The following CHD2 variants were observed in gnomAD, a reference collection of about 807,000 sequenced individuals.
The protein encoded by CHD2 is chromodomain helicase DNA binding protein 2, also known as ATP-dependent chromatin remodeler CHD2.
In CHD2, 28 loss-of-function variants were observed where a neutral mutation model predicts 243.9. The ratio of observed to expected loss-of-function variants is 0.11; its 90% confidence interval spans 0.09 to 0.16. The LOEUF is 0.16. Ranked by LOEUF, CHD2 falls within the 10% of genes least tolerant of loss-of-function variation. CHD2 has a pLI of 1.00. For missense variants in CHD2, 1,386 were observed against 2,209.8 expected, an observed-to-expected ratio of 0.63 and a Z score of 7.47; for synonymous variants, 775 against 779.0, an observed-to-expected ratio of 0.99 and a Z score of 0.09.
At chr15:92,902,301 G>C in intron 2 of CHD2, 1 of 396,672 alleles carries the variant, frequency 2.5e-6, no homozygotes, top group Non-Finnish European at 4.4e-6. Context: ...TGTTTTTGTT[G>C]TATGACCTCT....
intron 22 of CHD2, among the ~76,000 whole-genome samples, chr15:92,980,464 A>T (rs1171855375): frequency 6.6e-6 from 1 of 152,150 alleles, no homozygotes; most frequent in African/African-American, 2.4e-5. Context: ...TAGCTCTTTT[A>T]TTTTGGACCG....
intron 24 of CHD2, 130 bp downstream of exon 24, chr15:92,981,587 T>C (rs2053981137): frequency 1.5e-6 from 1 of 657,022 alleles, no homozygotes; most frequent in Non-Finnish European, 2.6e-6. Flanking sequence ...TCCTCAATAT[T>C]GTTCTCTGAA....
intron 28 of CHD2, among the ~76,000 whole-genome samples, chr15:92,996,162 T>C (rs1458928500): frequency 3.2e-4 from 10 of 31,678 alleles, no homozygotes; most frequent in African/African-American, 3.0e-3. Context: ...GTAAGTTTCT[T>C]TTTTTTTTTT....
intron 5 of CHD2, among the ~76,000 whole-genome samples, chr15:92,931,210 A>G (rs2053160497): frequency 6.6e-6 from 1 of 152,238 alleles, no homozygotes; most frequent in South Asian, 2.1e-4. Context: ...GAAACCCTGC[A>G]GATTTTATTC....
intron 2 of CHD2, chr15:92,904,484 C>G (rs905520143): frequency 3.0e-6 from 3 of 989,742 alleles, no homozygotes; most frequent in Admixed American, 6.1e-5. Flanking sequence ...GGGAGCCGCA[C>G]GCCGAGGGGA....
In CHD2 at chr15:92,905,436, T is replaced by G. The variant is rs376790487; in HGVS notation, c.62+4137T>G. Reference sequence around the variant, plus strand: ...AGAAATTCAGTGGATTTATCTACTGTGGACAAAGTTTTTTTCCTGCCATAC... The same window carrying G: ...AGAAATTCAGTGGATTTATCTACTGGGGACAAAGTTTTTTTCCTGCCATAC... On this transcript the variant is annotated intron_variant, in intron 2 of 38. Transcript: ENST00000394196. Among the ~76,000 whole-genome samples, 8 of 152,346 alleles carry G rather than the reference T, an allele frequency of 5.3e-5. No homozygotes were observed. In the East Asian group the frequency reaches 1.3e-3, roughly 26 times the overall value.
intron 32 of CHD2, 151 bp downstream of exon 32, chr15:93,000,791 GATAGTTT>G: frequency 1.2e-6 from 1 of 852,300 alleles, no homozygotes; most frequent in Non-Finnish European, 1.7e-6. Flanking sequence ...TGTCAGCGAG[GATAGTTT>G]AAGTCAGCAA....
At chr15:92,980,170 G>A (rs548252289) in intron 22 of CHD2, among the ~76,000 whole-genome samples, 4 of 150,374 alleles carry the variant, frequency 2.7e-5, no homozygotes, top group Admixed American at 1.3e-4. Context: ...TCAGCCTCCC[G>A]AGTAGCTGGG....
intron 13 of CHD2, among the ~76,000 whole-genome samples, chr15:92,951,200 T>G (rs911226694): frequency 8.5e-5 from 13 of 152,124 alleles, no homozygotes; most frequent in Non-Finnish European, 1.6e-4. Flanking sequence ...AGACTGAGTT[T>G]TGCTCTGTTG....
intron 12 of CHD2, among the ~76,000 whole-genome samples, chr15:92,947,973 C>A (rs1481079421): frequency 6.6e-6 from 1 of 152,186 alleles, no homozygotes; most frequent in Admixed American, 6.5e-5. Flanking sequence ...GAATGAATTT[C>A]TCCTGTAAAT....
chr15:92,948,952 G>A lies in CHD2; in HGVS notation c.1378G>A (p.Ala460Thr), dbSNP rs1487207288. 6.2e-7 allele frequency: 1 copy of A among 1,610,330 alleles called. No individual in the cohort carries two copies. The highest frequency in any genetic ancestry group is 2.2e-5 in the East Asian group (1 of 44,858). ...TCAGACTTGGGCTTTTGTTTTTCAG[G>A]CCCTGAAGCAGAGACCACGATTTGT... ...SKTIPTRECK[A>T]LKQRPRFVAL... The change falls in exon 13 of 39, where the codon GCC (alanine) becomes ACC (threonine). Residue 460 changes from alanine to threonine, a missense_variant and splice_region_variant. Ala to Thr is a moderately conservative substitution (Grantham distance 58, BLOSUM62 0). Around this residue, in one of 19 missense-constraint regions of CHD2, gnomAD observed 200 missense variants for 292.5 expected, o/e 0.68. Transcript: ENST00000394196.
chr15:93,025,167 A>G lies in CHD2; in HGVS notation c.*462A>G. On this transcript the variant is annotated 3_prime_UTR_variant, in exon 39 of 39. Coordinates refer to ENST00000394196, the MANE Select transcript of CHD2 (RefSeq NM_001271.4). ...GATTTGGTTGATTTGGTTCACTCTGACATGATGGATGCTGCTGATGGGGAG... is the reference window on the plus strand; with the variant it reads ...GATTTGGTTGATTTGGTTCACTCTGGCATGATGGATGCTGCTGATGGGGAG... 1 of 160,584 alleles carries G rather than the reference A, an allele frequency of 6.2e-6. No homozygotes were observed. Among genetic ancestry groups the G allele is most frequent in the Non-Finnish European group, 1.4e-5 (1 of 73,612 alleles). 9.9% of individuals were successfully genotyped at this position (160,584 alleles called of 1,614,324 possible).
At chr15:92,932,855 G>C (rs2053198064) in intron 5 of CHD2, among the ~76,000 whole-genome samples, 1 of 87,846 alleles carries the variant, frequency 1.1e-5, no homozygotes, top group South Asian at 4.3e-4. Context: ...TGATTCTCCT[G>C]CCTCATCCTC....
chr15:92,980,037 T>TTTTG lies in CHD2; in HGVS notation c.2877-758_2877-755dup, dbSNP rs55822413. 6.1e-3 allele frequency among the ~76,000 whole-genome samples: 919 copies of TTTTG among 150,104 alleles called. 5 individuals are homozygous for TTTTG. The highest frequency in any genetic ancestry group is 0.018 in the African/African-American group (744 of 40,808). ...TCTGTGGTGGTGTTTCAGCTATGTTTTTTGTTTGTTTGTTTGTTTGTTTTT... is the reference window on the plus strand; with the variant it reads ...TCTGTGGTGGTGTTTCAGCTATGTTTTTTGTTTGTTTGTTTGTTTGTTTGTTTTT... On this transcript the variant is annotated intron_variant, in intron 22 of 38. Transcript: ENST00000394196.
At chr15:92,965,179 C>T in intron 16 of CHD2, 1 of 152,098 alleles carries the variant, frequency 6.6e-6, no homozygotes. Context: ...TGTCTTTATA[C>T]ATCACCACTA....
At chr15:92,979,092 G>A (rs778447793) in intron 21 of CHD2, 43 bp from the exon 22 acceptor site, 12 of 1,600,886 alleles carry the variant, frequency 7.5e-6, no homozygotes, top group Non-Finnish European at 9.4e-6. Context: ...GGGGGGGTTG[G>A]GGGGTGGTTC....
intron 13 of CHD2, among the ~76,000 whole-genome samples, chr15:92,951,996 G>T (rs2141808724): frequency 6.6e-6 from 1 of 152,242 alleles, no homozygotes; most frequent in East Asian, 1.9e-4. Context: ...CTGATTTGCT[G>T]ATTAAGCACA....
chr15:92,947,161 A>G (rs747408693), intron 12 of CHD2: 3 of 152,228 alleles, frequency 2.0e-5, no homozygotes, highest in Non-Finnish European at 4.4e-5. Context: ...CTAGAATTCT[A>G]TCTGTGAAAA....
intron 2 of CHD2, among the ~76,000 whole-genome samples, chr15:92,916,055 C>G (rs2052828767): frequency 1.3e-5 from 2 of 152,344 alleles, no homozygotes; most frequent in South Asian, 2.1e-4. Context: ...AAAGGCTAAT[C>G]AAGAGACTTA....
Sources: allele counts gnomAD v4.1 joint callset (sites outside exome capture counted in the v4.1 genomes callset), GRCh38; gene constraint gnomAD v4.1.1; regional missense constraint gnomAD v4.1.1; transcripts MANE v1.5; gene names NCBI Gene and HGNC (gene_info 2026-07-23, HGNC 2026-07-21).